RPN2: variants seen among roughly 807,000 people sequenced by gnomAD.
The protein encoded by RPN2 is dolichyl-diphosphooligosaccharide--protein glycosyltransferase subunit 2.
A neutral mutation model predicts 71.4 loss-of-function variants in RPN2; 29 were observed. The observed-to-expected ratio is 0.41, with a 90% CI of 0.30 to 0.55. The LOEUF (loss-of-function observed/expected upper bound fraction) is 0.55, where lower values mean the gene tolerates loss of function less well. RPN2 is among the 20% of genes least tolerant of loss of function. The pLI is 0.35. For synonymous variants in RPN2, 308 were observed against 305.0 expected (o/e 1.01, Z -0.10); for missense variants, 726 against 774.1 (o/e 0.94, Z 0.74).
At chr20:37,211,137 C>G (rs2067652164) in intron 8 of RPN2, among the ~76,000 whole-genome samples, 2 of 151,970 alleles carry the variant, frequency 1.3e-5, no homozygotes, top group Middle Eastern at 3.4e-3. Flanking sequence ...CGGCTTCAAG[C>G]AATTCTCCTG....
chr20:37,217,300 T>TC, intron 9 of RPN2, among the ~76,000 whole-genome samples: 1 of 150,292 alleles, frequency 6.7e-6, no homozygotes, highest in East Asian at 1.9e-4. Context: ...TTATTATTAT[T>TC]CTTTTTTTTT....
intron 15 of RPN2, 25 bp downstream of exon 15, chr20:37,234,120 C>T (rs760695219): frequency 1.2e-6 from 2 of 1,610,894 alleles, no homozygotes; most frequent in Non-Finnish European, 1.7e-6. Flanking sequence ...CTGCTAATTA[C>T]CTGTAACGTC....
At position 37,190,956 on chromosome 20, in the gene RPN2, C is replaced by T. The variant is rs370652658; in HGVS notation, c.207+6583C>T. Among the ~76,000 whole-genome samples the T allele has an allele frequency of 2.0e-5, 3 of 152,274 alleles. No homozygotes were observed. The East Asian group carries it at 5.8e-4, about 29-fold the overall frequency. ...TGTCATTACTGTCACTTCCGTGTAGCGGTGCATGTCCTGCTCAGCTGTTGC... is the reference window on the plus strand; with the variant it reads ...TGTCATTACTGTCACTTCCGTGTAGTGGTGCATGTCCTGCTCAGCTGTTGC... On this transcript the variant is annotated intron_variant, in intron 2 of 16. Transcript: ENST00000237530.
At position 37,207,377 on chromosome 20, in the gene RPN2, T is replaced by C. The variant is rs754451541; in HGVS notation, c.795T>C (p.Asn265=). 3 of 1,614,186 alleles carry C rather than the reference T, an allele frequency of 1.9e-6. No homozygotes were observed. In the South Asian group the frequency reaches 3.3e-5, roughly 18 times the overall value. The stretch of plus-strand genomic sequence containing the variant: ...CTGCAGCTGCTGTGCTCTCGCATAA[T>C]CGCTACCACGTGCCAGTTGTGGTTG... ...VASAAAVLSH[N]RYHVPVVVVP... Residue 265 remains asparagine, a synonymous_variant, in exon 7 of 17, where the codon AAT becomes AAC. Transcript: ENST00000237530.
intron 7 of RPN2, among the ~76,000 whole-genome samples, chr20:37,208,096 C>T (rs1468393586): frequency 6.6e-6 from 1 of 151,854 alleles, no homozygotes; most frequent in Non-Finnish European, 1.5e-5. Context: ...ATGGTGAAAC[C>T]CCATCTCTAC....
chr20:37,222,528 A>G (rs1427015385), intron 9 of RPN2, among the ~76,000 whole-genome samples: 2 of 152,034 alleles, frequency 1.3e-5, no homozygotes, highest in Non-Finnish European at 2.9e-5. Context: ...TTTATTTTTA[A>G]TTTTTCTTCT....
intron 9 of RPN2, among the ~76,000 whole-genome samples, chr20:37,219,725 T>C (rs2067905003): frequency 6.6e-6 from 1 of 152,240 alleles, no homozygotes; most frequent in Non-Finnish European, 1.5e-5. Flanking sequence ...TTCTGATTCA[T>C]TGTGAGTTAA....
At chr20:37,223,683 A>ATTTT (rs1459698577) in intron 9 of RPN2, among the ~76,000 whole-genome samples, 195 bp from the exon 10 acceptor site, 1 of 149,044 alleles carries the variant, frequency 6.7e-6, no homozygotes, top group Non-Finnish European at 1.5e-5. Flanking sequence ...AGAAAAAGAC[A>ATTTT]TTTTAGGCCT....
intron 1 of RPN2, among the ~76,000 whole-genome samples, chr20:37,180,627 A>G (rs1200454761): frequency 2.0e-5 from 3 of 152,186 alleles, no homozygotes; most frequent in Non-Finnish European, 2.9e-5. Context: ...TGCACAAGGC[A>G]TTGGGGATTC....
At chr20:37,217,157 C>CT (rs1248893545) in intron 9 of RPN2, among the ~76,000 whole-genome samples, 1 of 150,816 alleles carries the variant, frequency 6.6e-6, no homozygotes, top group Non-Finnish European at 1.5e-5. Flanking sequence ...CTCTCGAACT[C>CT]CTGGGCTCAA....
At chr20:37,200,797 A>G (rs770094744) in intron 4 of RPN2, among the ~76,000 whole-genome samples, 1 of 152,074 alleles carries the variant, frequency 6.6e-6, no homozygotes, top group East Asian at 1.9e-4. Context: ...CTCATGGGGA[A>G]TGCTTCTCCA....
At chr20:37,239,906 C>T (rs767731615) in intron 16 of RPN2, among the ~76,000 whole-genome samples, 2 of 152,054 alleles carry the variant, frequency 1.3e-5, no homozygotes, top group Non-Finnish European at 2.9e-5. Context: ...TTAAATAAGT[C>T]GATTTCTTTT....
chr20:37,180,345 A>G (rs185339403), intron 1 of RPN2, among the ~76,000 whole-genome samples: 14 of 152,350 alleles, frequency 9.2e-5, no homozygotes, highest in African/African-American at 3.4e-4. Flanking sequence ...TCTGAGCCTT[A>G]CTTTCCTGGT....
At chr20:37,184,064 T>C in intron 1 of RPN2, 116 bp from the exon 2 acceptor site, 1 of 1,240,628 alleles carries the variant, frequency 8.1e-7, no homozygotes, top group South Asian at 1.2e-5. Context: ...ACCCCTGGAT[T>C]CCCTCGCCCT....
chr20:37,232,530 A>T, intron 14 of RPN2, 139 bp downstream of exon 14: 1 of 1,070,806 alleles, frequency 9.3e-7, no homozygotes, highest in East Asian at 2.4e-5. Flanking sequence ...ATTGATGCTC[A>T]AGACATTTTA....
intron 9 of RPN2, among the ~76,000 whole-genome samples, 162 bp downstream of exon 9, chr20:37,214,027 T>G (rs2067745916): frequency 6.6e-6 from 1 of 152,254 alleles, no homozygotes; most frequent in East Asian, 1.9e-4. Context: ...TTTGACAGAC[T>G]TAGTAGCTAA....
At chr20:37,225,065 CCCCTGGCCATCTTA>C in intron 10 of RPN2, among the ~76,000 whole-genome samples, 1 of 152,160 alleles carries the variant, frequency 6.6e-6, no homozygotes, top group South Asian at 2.1e-4. Flanking sequence ...GCTGGTTTAT[CCCCTGGCCATCTTA>C]CCCTAAAATC....
At chr20:37,210,189 G>C (rs201482349) in intron 8 of RPN2, 24 bp downstream of exon 8, 2 of 1,611,790 alleles carry the variant, frequency 1.2e-6, no homozygotes, top group Non-Finnish European at 8.5e-7. Flanking sequence ...ATATTTTGGT[G>C]GGGCGCTGAC....
Position 37,179,361 on chromosome 20 carries a change from C to T in RPN2, c.5C>T (p.Ala2Val), listed in dbSNP as rs1200642439. 1.0e-5 allele frequency: 4 copies of T among 398,044 alleles called. No individual in the cohort carries two copies. Among genetic ancestry groups the T allele is most frequent in the Middle Eastern group, 6.9e-4 (1 of 1,444 alleles). 24.7% of individuals were successfully genotyped at this position (398,044 alleles called of 1,614,324 possible). Residue 2 changes from alanine to valine, a missense_variant, in exon 1 of 17, where the codon GCG (alanine) becomes GTG (valine). Ala to Val is a moderately conservative substitution (Grantham distance 64). Transcript: ENST00000237530. The stretch of plus-strand genomic sequence containing the variant: ...CGGCGGGACCTGCTCGGAGGAATGG[C>T]GCCGCCGGGTGAGGAGTTGCGCGTG... MAPPGSSTVFLL... is the reference protein window; with the variant it reads MVPPGSSTVFLL...
Sources: gnomAD v4.1 joint callset for allele counts (sites outside exome capture counted in the v4.1 genomes callset) on GRCh38, gnomAD v4.1.1 for gene constraint, MANE v1.5 for transcripts, NCBI Gene and HGNC (gene_info 2026-07-23, HGNC 2026-07-21) for gene names.